TBC1D15: variants seen among roughly 807,000 people sequenced by gnomAD.
TBC1D15 encodes the protein GAP for RAB7.
Under a neutral mutation model 95.4 loss-of-function variants are expected in TBC1D15, and 39 were observed. The ratio of observed to expected loss-of-function variants is 0.41; its 90% confidence interval spans 0.32 to 0.53. The LOEUF is 0.53. TBC1D15 is among the 20% of genes least tolerant of loss of function. TBC1D15 has a pLI of 0.29. For synonymous variants in TBC1D15, 258 were observed against 261.3 expected, an observed-to-expected ratio of 0.99 and a Z score of 0.12; for missense variants, 733 against 794.3, an observed-to-expected ratio of 0.92 and a Z score of 0.93.
intron 4 of TBC1D15, 75 bp from the exon 5 acceptor site, chr12:71,884,736 C>A: frequency 7.3e-7 from 1 of 1,365,482 alleles, no homozygotes; most frequent in South Asian, 1.2e-5. Flanking sequence ...TTATGTTAGG[C>A]AGTCATGGAG....
chr12:71,893,560 A>G (rs980190314), intron 6 of TBC1D15, among the ~76,000 whole-genome samples: 2 of 151,832 alleles, frequency 1.3e-5, no homozygotes, highest in Non-Finnish European at 2.9e-5. Context: ...CTCATAAGGA[A>G]ATTTCTCAGT....
chr12:71,842,799 C>G (rs1433175370), intron 1 of TBC1D15, among the ~76,000 whole-genome samples: 1 of 146,346 alleles, frequency 6.8e-6, no homozygotes, highest in Non-Finnish European at 1.5e-5. Flanking sequence ...CTACTGCACT[C>G]CAGCTTGGGT....
chr12:71,907,754 G>A (rs1470897228), intron 11 of TBC1D15: 1 of 152,188 alleles, frequency 6.6e-6, no homozygotes, highest in African/African-American at 2.4e-5. Context: ...TGTTTGATAT[G>A]CTTTTCCCGT....
intron 5 of TBC1D15, among the ~76,000 whole-genome samples, chr12:71,887,438 TCAA>T (rs1896452545): frequency 6.6e-6 from 1 of 152,202 alleles, no homozygotes. Flanking sequence ...TTCACTGTCA[TCAA>T]CAAGGGCCTG....
chr12:71,865,526 C>A (rs371459379), intron 1 of TBC1D15, among the ~76,000 whole-genome samples: 1 of 152,114 alleles, frequency 6.6e-6, no homozygotes, highest in South Asian at 2.1e-4. Flanking sequence ...CTCTGTGAGT[C>A]GAGGTGCAGT....
At chr12:71,917,147 G>C (rs907677909) in intron 12 of TBC1D15, among the ~76,000 whole-genome samples, 43 of 152,152 alleles carry the variant, frequency 2.8e-4, no homozygotes, top group African/African-American at 1.0e-3. Context: ...TCTGTGTTCA[G>C]TCTTTTGGAG....
At chr12:71,861,206 A>G (rs569208265) in intron 1 of TBC1D15, among the ~76,000 whole-genome samples, 2 of 152,202 alleles carry the variant, frequency 1.3e-5, no homozygotes, top group South Asian at 4.1e-4. Context: ...GTATTAGGGT[A>G]ATGCTGCCCT....
intron 3 of TBC1D15, among the ~76,000 whole-genome samples, chr12:71,878,899 T>G (rs1489787743): frequency 6.6e-6 from 1 of 152,174 alleles, no homozygotes; most frequent in East Asian, 1.9e-4. Flanking sequence ...ACAATCTATT[T>G]GATAATTTCA....
chr12:71,872,018 A>T, intron 1 of TBC1D15, 52 bp from the exon 2 acceptor site: 1 of 784,326 alleles, frequency 1.3e-6, no homozygotes, highest in Non-Finnish European at 1.9e-6. Context: ...TTAACATGTT[A>T]AAATAGTACT....
At chr12:71,905,426 G>T (rs1377131592) in intron 10 of TBC1D15, among the ~76,000 whole-genome samples, 2 of 152,046 alleles carry the variant, frequency 1.3e-5, no homozygotes, top group Non-Finnish European at 2.9e-5. Context: ...CCTGGGCTCA[G>T]ATGGTTCTCC....
At chr12:71,865,041 A>C (rs61924144) in intron 1 of TBC1D15, among the ~76,000 whole-genome samples, 14,010 of 152,202 alleles carry the variant, frequency 0.092, 714 homozygotes, top group South Asian at 0.15. Context: ...GACTTAGCTG[A>C]GGGTGTCTAA....
At chr12:71,878,480 TGAC>T (rs894606949) in intron 3 of TBC1D15, among the ~76,000 whole-genome samples, 1 of 151,504 alleles carries the variant, frequency 6.6e-6, no homozygotes, top group Non-Finnish European at 1.5e-5. Context: ...TCCTCACTAC[TGAC>T]GATAGGGTTA....
chr12:71,891,434 A>C (rs1030903481), intron 5 of TBC1D15, among the ~76,000 whole-genome samples: 1 of 152,184 alleles, frequency 6.6e-6, no homozygotes, highest in Non-Finnish European at 1.5e-5. Flanking sequence ...TAATGTTAGC[A>C]TGAGAGATCA....
chr12:71,918,028 G>C (rs1379697705), intron 13 of TBC1D15, among the ~76,000 whole-genome samples: 1 of 152,220 alleles, frequency 6.6e-6, no homozygotes. Context: ...GGTGATGCAT[G>C]CCTGTAGTCC....
At chr12:71,853,295 G>C (rs1888285853) in intron 1 of TBC1D15, among the ~76,000 whole-genome samples, 1 of 152,172 alleles carries the variant, frequency 6.6e-6, no homozygotes, top group South Asian at 2.1e-4. Context: ...AAGGGAGATG[G>C]TGCTAAACTG....
Position 71,893,344 on chromosome 12 carries a change from C to G in TBC1D15, c.657+20C>G, listed in dbSNP as rs1361259396. On this transcript the variant is annotated intron_variant, in intron 6 of 16. Coordinates refer to ENST00000485960, the MANE Select transcript of TBC1D15 (RefSeq NM_001146213.3). ...ATACAAGTATGTTCCTTAAATCTAT[C>G]CTGTATTATTCTGACTGCATTATTT... is the stretch of plus-strand genomic sequence containing the variant. 1.9e-6 allele frequency: 3 copies of G among 1,558,896 alleles called. No homozygotes were observed. The highest frequency in any genetic ancestry group is 2.6e-6 in the Non-Finnish European group (3 of 1,136,530).
At chr12:71,871,393 G>A (rs533024894) in intron 1 of TBC1D15, among the ~76,000 whole-genome samples, 59 of 151,864 alleles carry the variant, frequency 3.9e-4, no homozygotes, top group African/African-American at 8.9e-4. Context: ...ATTATTTCCC[G>A]AATTTCTATG....
At chr12:71,916,537 CTT>C (rs1566076292) in intron 12 of TBC1D15, among the ~76,000 whole-genome samples, 1 of 152,088 alleles carries the variant, frequency 6.6e-6, no homozygotes, top group Non-Finnish European at 1.5e-5. Context: ...AATTAATAGA[CTT>C]AAATTTTTTT....
Position 71,895,831 on chromosome 12 carries a change from C to T in TBC1D15, c.856-116C>T. 6.0e-6 allele frequency: 6 copies of T among 992,866 alleles called. 1 individual carries two copies. The South Asian group carries it at 1.3e-4, about 21-fold the overall frequency. 61.5% of individuals were successfully genotyped at this position (992,866 alleles called of 1,614,324 possible). Reference sequence around the variant, plus strand: ...TAAACATGGGAAAATAAGGAACAATCTTAAAAGTATTAGAAGTCATGTCTG... The same window carrying T: ...TAAACATGGGAAAATAAGGAACAATTTTAAAAGTATTAGAAGTCATGTCTG... On this transcript the variant is annotated intron_variant, in intron 7 of 16. Coordinates refer to ENST00000485960, the MANE Select transcript of TBC1D15 (RefSeq NM_001146213.3).
Sources: allele counts gnomAD v4.1 joint callset (sites outside exome capture counted in the v4.1 genomes callset), GRCh38; gene constraint gnomAD v4.1.1; transcripts MANE v1.5; gene names NCBI Gene and HGNC (gene_info 2026-07-23, HGNC 2026-07-21).